The following HECW2 variants were observed in gnomAD, a reference collection of about 807,000 sequenced individuals.
HECW2 encodes the protein E3 ubiquitin-protein ligase HECW2.
Under a neutral mutation model 175.2 loss-of-function variants are expected in HECW2, and 61 were observed. The ratio of observed to expected loss-of-function variants is 0.35; its 90% CI spans 0.28 to 0.43. The LOEUF is 0.43. HECW2 is among the 20% of genes least tolerant of loss of function. The probability of loss-of-function intolerance (pLI) is 1.00; values close to 1 mark genes in which losing one functional copy is unlikely to be tolerated. For synonymous variants in HECW2, 671 were observed against 731.0 expected (o/e 0.92, Z 1.32); for missense variants, 1,524 against 2,000.5 (o/e 0.76, Z 4.54).
intron 1 of HECW2, among the ~76,000 whole-genome samples, chr2:196,445,687 G>GT (rs1186416982): frequency 1.3e-5 from 2 of 152,228 alleles, no homozygotes; most frequent in Non-Finnish European, 2.9e-5. Context: ...TATGGGGCAT[G>GT]ATCAGCAGGG....
chr2:196,496,446 C>G (rs1687396967), intron 1 of HECW2, among the ~76,000 whole-genome samples: 1 of 152,128 alleles, frequency 6.6e-6, no homozygotes, highest in Admixed American at 6.5e-5. Context: ...TACATGCATG[C>G]ATACATATAA....
intron 1 of HECW2, among the ~76,000 whole-genome samples, chr2:196,547,305 C>T (rs990787902): frequency 1.3e-5 from 2 of 152,182 alleles, no homozygotes; most frequent in Admixed American, 6.5e-5. Context: ...AGGAGGGATA[C>T]TGCACTCAGG....
At chr2:196,408,649 G>C (rs1250580667) in intron 2 of HECW2, among the ~76,000 whole-genome samples, 1 of 152,180 alleles carries the variant, frequency 6.6e-6, no homozygotes, top group Non-Finnish European at 1.5e-5. Flanking sequence ...ATACAAAGTA[G>C]AAGTAGAAAC....
intron 2 of HECW2, among the ~76,000 whole-genome samples, chr2:196,422,868 C>T (rs192311002): frequency 1.4e-4 from 22 of 152,188 alleles, no homozygotes; most frequent in Admixed American, 1.2e-3. Context: ...GATGAAAAAC[C>T]TAATGCATTA....
intron 1 of HECW2, among the ~76,000 whole-genome samples, chr2:196,518,314 T>C (rs1326775053): frequency 6.6e-6 from 1 of 152,136 alleles, no homozygotes; most frequent in Non-Finnish European, 1.5e-5. Context: ...AGATAAGAGC[T>C]AAGTAATGAT....
chr2:196,447,356 C>T (rs1241426618), intron 1 of HECW2, among the ~76,000 whole-genome samples: 1 of 152,190 alleles, frequency 6.6e-6, no homozygotes, highest in Non-Finnish European at 1.5e-5. Context: ...ACCATTTCTC[C>T]CATACAATGA....
At chr2:196,270,081 G>C (rs1243170460) in intron 17 of HECW2, among the ~76,000 whole-genome samples, 8 of 152,226 alleles carry the variant, frequency 5.3e-5, no homozygotes, top group Non-Finnish European at 1.2e-4. Flanking sequence ...ACTGCTGTGG[G>C]CCAGGATGGT....
intron 2 of HECW2, among the ~76,000 whole-genome samples, chr2:196,423,629 A>G (rs1412376949): frequency 2.6e-5 from 4 of 151,492 alleles, no homozygotes; most frequent in African/African-American, 9.7e-5. Flanking sequence ...AGGTTCATCT[A>G]TGTTGTCACA....
chr2:196,577,881 C>T (rs11891447), intron 1 of HECW2, among the ~76,000 whole-genome samples: 3 of 151,982 alleles, frequency 2.0e-5, no homozygotes, highest in South Asian at 2.1e-4. Context: ...ACAACAACAA[C>T]GAGCAACAAT....
chr2:196,209,563 G>A (rs752742037), intron 28 of HECW2, among the ~76,000 whole-genome samples: 1 of 152,106 alleles, frequency 6.6e-6, no homozygotes, highest in Non-Finnish European at 1.5e-5. Flanking sequence ...TTGGACCTGA[G>A]GTTCAACTAC....
rs181079002 is a variant in HECW2 at position 196,237,343 on chromosome 2, C to G, written c.3764+3106G>C. On this transcript the variant is annotated intron_variant, in intron 21 of 28. Coordinates refer to ENST00000644978, the MANE Select transcript of HECW2 (RefSeq NM_001348768.2). ...GTGTAGTCTTTTATCCCTTGCCACC[C>G]CCAACTCTTTCCCCCAAGTCCCAAA... 3.7e-3 allele frequency among the ~76,000 whole-genome samples: 569 copies of G among 152,154 alleles called. 1 individual carries two copies. The highest frequency in any genetic ancestry group is 0.013 in the African/African-American group (520 of 41,508).
At chr2:196,202,626 A>G (rs1032109264) in intron 28 of HECW2, among the ~76,000 whole-genome samples, 1 of 152,204 alleles carries the variant, frequency 6.6e-6, no homozygotes, top group Non-Finnish European at 1.5e-5. Context: ...ATTACTATCA[A>G]CAAGATTTGA....
chr2:196,315,080 CA>C (rs1262107978), intron 10 of HECW2, among the ~76,000 whole-genome samples: 1 of 151,820 alleles, frequency 6.6e-6, no homozygotes, highest in African/African-American at 2.4e-5. Flanking sequence ...GATCACAATC[CA>C]AAACCTATCC....
At chr2:196,546,921 TACA>T (rs1689444314) in intron 1 of HECW2, among the ~76,000 whole-genome samples, 1 of 150,796 alleles carries the variant, frequency 6.6e-6, no homozygotes, top group Non-Finnish European at 1.5e-5. Context: ...AAGGAGCATA[TACA>T]ACTGCAGAGA....
intron 2 of HECW2, among the ~76,000 whole-genome samples, chr2:196,393,953 C>A (rs2125188568): frequency 6.6e-6 from 1 of 152,280 alleles, no homozygotes; most frequent in East Asian, 1.9e-4. Context: ...CACCTATACA[C>A]CATGGAATAC....
chr2:196,302,392 T>C (rs1471315848), intron 13 of HECW2, among the ~76,000 whole-genome samples: 1 of 152,236 alleles, frequency 6.6e-6, no homozygotes, highest in Non-Finnish European at 1.5e-5. Flanking sequence ...TTGTCTTGAC[T>C]ATTCAGGCTC....
intron 1 of HECW2, among the ~76,000 whole-genome samples, chr2:196,511,154 G>C (rs1436343863): frequency 6.6e-6 from 1 of 152,166 alleles, no homozygotes; most frequent in Non-Finnish European, 1.5e-5. Context: ...TTAGCAAAGA[G>C]AGGGTTTCAC....
chr2:196,591,255 G>A lies in HECW2; in HGVS notation c.-36+2253C>T, dbSNP rs143451434. The stretch of plus-strand genomic sequence containing the variant: ...ATGGTGCCCAAACCTCAGAGTCTGC[G>A]GCCAAATGGTGGGGATTTGGAAATC... On this transcript the variant is annotated intron_variant, in intron 1 of 28. Coordinates refer to ENST00000644978, the MANE Select transcript of HECW2 (RefSeq NM_001348768.2). 8.5e-5 allele frequency among the ~76,000 whole-genome samples: 13 copies of A among 152,264 alleles called. No homozygotes were observed. In the East Asian group the frequency reaches 1.5e-3, roughly 18 times the overall value.
chr2:196,238,452 T>C lies in HECW2; in HGVS notation c.3764+1997A>G, dbSNP rs1329506830. Reference sequence around the variant, plus strand: ...AGCTCAAGGTTTCTTTCTTTCTTTCTTTCTTTCTTTATTTTTTTTAGCTTT... The same window carrying C: ...AGCTCAAGGTTTCTTTCTTTCTTTCCTTCTTTCTTTATTTTTTTTAGCTTT... On this transcript the variant is annotated intron_variant, in intron 21 of 28. Transcript: ENST00000644978. 4.2e-5 allele frequency: 3 copies of C among 71,732 alleles called. No homozygotes were observed. The Admixed American group carries it at 4.7e-4, about 11-fold the overall frequency. The allele number at this position is 71,732 out of a possible 1,614,324, so 4.4% of individuals were successfully genotyped here.
Sources: allele counts gnomAD v4.1 joint callset (sites outside exome capture counted in the v4.1 genomes callset), GRCh38; gene constraint gnomAD v4.1.1; transcripts MANE v1.5; gene names NCBI Gene and HGNC (gene_info 2026-07-23, HGNC 2026-07-21).